The following NAV3 variants were observed in gnomAD, a reference collection of about 807,000 sequenced individuals.
NAV3 encodes the protein pore membrane and/or filament interacting like protein 1.
In NAV3, 87 loss-of-function variants were observed where a neutral mutation model predicts 244.7. The observed-to-expected ratio is 0.36, with a 90% CI of 0.30 to 0.42. The LOEUF is 0.42. NAV3 is among the 20% of genes least tolerant of loss of function. NAV3 has a pLI of 1.00. For missense variants in NAV3, 2,663 were observed against 2,893.3 expected (o/e 0.92, Z 1.83); for synonymous variants, 1,126 against 1,042.2 (o/e 1.08, Z -1.55).
At chr12:77,865,724 TTCTC>T (rs1009747164) in intron 1 of NAV3, among the ~76,000 whole-genome samples, 1 of 150,856 alleles carries the variant, frequency 6.6e-6, no homozygotes, top group African/African-American at 2.4e-5. Context: ...AATTCGTTGC[TTCTC>T]TCTCTCTCTC....
At chr12:78,181,066 G>T (rs758420805) in intron 30 of NAV3, 21 bp downstream of exon 30, 1 of 1,610,740 alleles carries the variant, frequency 6.2e-7, no homozygotes, top group Non-Finnish European at 8.5e-7. Flanking sequence ...GCACATGCTT[G>T]CCTGAATCAC....
intron 3 of NAV3, among the ~76,000 whole-genome samples, chr12:77,965,600 C>T (rs547744886): frequency 1.7e-3 from 254 of 152,198 alleles, no homozygotes; most frequent in African/African-American, 5.7e-3. Context: ...GCCTGTGTGA[C>T]GGAGCAACAT....
At chr12:78,187,719 A>G (rs2139833126) in intron 31 of NAV3, among the ~76,000 whole-genome samples, 1 of 152,056 alleles carries the variant, frequency 6.6e-6, no homozygotes, top group African/African-American at 2.4e-5. Context: ...ACCTTATATT[A>G]TCATAGATAA....
At chr12:78,034,516 T>C (rs1289623885) in intron 9 of NAV3, among the ~76,000 whole-genome samples, 3 of 152,178 alleles carry the variant, frequency 2.0e-5, no homozygotes, top group Admixed American at 2.0e-4. Flanking sequence ...TTTAAACTGA[T>C]TGGTATATGT....
At chr12:77,835,010 T>C (rs1302716252) in intron 1 of NAV3, among the ~76,000 whole-genome samples, 1 of 152,174 alleles carries the variant, frequency 6.6e-6, no homozygotes, top group Non-Finnish European at 1.5e-5. Flanking sequence ...GATAGACGTT[T>C]ATTTCATTTT....
chr12:78,095,613 A>T (rs1174810506), intron 12 of NAV3, among the ~76,000 whole-genome samples: 1 of 152,162 alleles, frequency 6.6e-6, no homozygotes, highest in African/African-American at 2.4e-5. Flanking sequence ...CAGTTAGGAG[A>T]GTACAGCAAT....
chr12:78,118,741 T>C (rs1328704408), intron 14 of NAV3, among the ~76,000 whole-genome samples: 1 of 152,206 alleles, frequency 6.6e-6, no homozygotes, highest in Admixed American at 6.5e-5. Context: ...TTTGAAATAT[T>C]GTCTGTGTAT....
chr12:77,731,836 G>A (rs1877139404), intron 2 of NAV3, among the ~76,000 whole-genome samples: 1 of 151,874 alleles, frequency 6.6e-6, no homozygotes, highest in Admixed American at 6.6e-5. Flanking sequence ...ATAGTGGTTA[G>A]GTGCTGAAGA....
chr12:78,071,002 G>A (rs1410575861), intron 12 of NAV3, among the ~76,000 whole-genome samples: 14 of 149,056 alleles, frequency 9.4e-5, no homozygotes, highest in South Asian at 2.2e-4. Flanking sequence ...GAATAATGCC[G>A]CAATAAACAT....
At chr12:77,945,797 G>C (rs993807838) in intron 3 of NAV3, among the ~76,000 whole-genome samples, 2 of 151,826 alleles carry the variant, frequency 1.3e-5, no homozygotes, top group Non-Finnish European at 2.9e-5. Context: ...GCCCAAGCTG[G>C]AGTAAAATGG....
intron 2 of NAV3, among the ~76,000 whole-genome samples, chr12:77,766,087 G>A (rs1343267198): frequency 2.6e-5 from 4 of 152,110 alleles, no homozygotes; most frequent in South Asian, 2.1e-4. Context: ...ATTTCTTGAC[G>A]GAGAAGAGAG....
At chr12:77,966,337 A>G (rs1370047489) in intron 4 of NAV3, 36 bp downstream of exon 4, 1 of 1,519,158 alleles carries the variant, frequency 6.6e-7, no homozygotes, top group East Asian at 2.3e-5. Context: ...CACAAATGGC[A>G]TCAATGTTTT....
At chr12:77,981,041 C>T (rs1869467224) in intron 5 of NAV3, among the ~76,000 whole-genome samples, 1 of 152,106 alleles carries the variant, frequency 6.6e-6, no homozygotes, top group African/African-American at 2.4e-5. Flanking sequence ...GATAAGTTAT[C>T]ACAGTAACCT....
chr12:77,675,742 G>T (rs139609939), intron 2 of NAV3, among the ~76,000 whole-genome samples: 2 of 152,262 alleles, frequency 1.3e-5, no homozygotes, highest in Middle Eastern at 3.4e-3. Context: ...GTGTCCAGTT[G>T]TCAGTGGGTG....
chr12:77,669,529 C>T (rs189875683), intron 2 of NAV3, among the ~76,000 whole-genome samples: 2 of 151,840 alleles, frequency 1.3e-5, no homozygotes, highest in Non-Finnish European at 2.9e-5. Flanking sequence ...CAAATGGACA[C>T]CAAATGCAAG....
At chr12:77,691,372 C>T (rs1302627733) in intron 2 of NAV3, among the ~76,000 whole-genome samples, 141 of 49,658 alleles carry the variant, frequency 2.8e-3, no homozygotes, top group African/African-American at 9.2e-3. Flanking sequence ...CATTCTTGTA[C>T]TTTTTCTGCT....
At chr12:77,663,270 T>G (rs1352717944) in intron 2 of NAV3, among the ~76,000 whole-genome samples, 4 of 152,176 alleles carry the variant, frequency 2.6e-5, no homozygotes, top group Admixed American at 2.0e-4. Flanking sequence ...GTGATAAACA[T>G]ACATCATATT....
At chr12:77,873,744 GTATATA>G (rs556787799) in intron 1 of NAV3, among the ~76,000 whole-genome samples, 1 of 73,182 alleles carries the variant, frequency 1.4e-5, no homozygotes. Context: ...ATGTGTGTGT[GTATATA>G]TATATATATA....
intron 2 of NAV3, among the ~76,000 whole-genome samples, chr12:77,773,537 T>C (rs560810036): frequency 6.6e-6 from 1 of 152,234 alleles, no homozygotes; most frequent in African/African-American, 2.4e-5. Flanking sequence ...AGAATTCTTG[T>C]CCTGATGGAA....
Sources: allele counts gnomAD v4.1 joint callset (sites outside exome capture counted in the v4.1 genomes callset), GRCh38; gene constraint gnomAD v4.1.1; transcripts MANE v1.5; gene names NCBI Gene and HGNC (gene_info 2026-07-23, HGNC 2026-07-21).